FOLR3: variants seen among roughly 807,000 people sequenced by gnomAD.
FOLR3 encodes the protein folate receptor gamma.
A neutral mutation model predicts 20.0 loss-of-function variants in FOLR3; 9 were observed. That is an observed-to-expected ratio of 0.45 (90% CI 0.27 to 0.79). The LOEUF is 0.79. Ranked by LOEUF, FOLR3 falls within the 30% of genes least tolerant of loss-of-function variation. The pLI, the probability that FOLR3 is intolerant of heterozygous loss-of-function variation, is 0.15. For synonymous variants in FOLR3, 124 were observed against 115.5 expected (o/e 1.07, Z -0.47); for missense variants, 309 against 323.5 (o/e 0.96, Z 0.34).
chr11:72,137,269 C>A (rs1052521164), intron 2 of FOLR3, among the ~76,000 whole-genome samples: 1 of 152,056 alleles, frequency 6.6e-6, no homozygotes, highest in Non-Finnish European at 1.5e-5. Context: ...TCTTACCTGC[C>A]TTGTATTTAC....
chr11:72,138,970 T>C lies in FOLR3; in HGVS notation c.178T>C (p.Trp60Arg), dbSNP rs771706070. The stretch of plus-strand genomic sequence containing the variant: ...TGTCTTCCCCACCCAGTGCAGTCCC[T>C]GGAAGAAGAATGCCTGCTGCACGGC... ...EDELYGQCSP[W>R]KKNACCTAST... is the part of the protein sequence containing the mutation. Residue 60 changes from tryptophan (W) to arginine (R), a missense_variant, in exon 3 of 5, where the codon TGG becomes CGG. Coordinates refer to ENST00000611028, the MANE Select transcript of FOLR3 (RefSeq NM_000804.4). 6.2e-6 allele frequency: 10 copies of C among 1,613,910 alleles called. No homozygotes were observed. The African/African-American group carries it at 1.2e-4, about 19-fold the overall frequency.
chr11:72,138,998 G>A lies in FOLR3; in HGVS notation c.206G>A (p.Ser69Asn), dbSNP rs1355127160. The A allele has an allele frequency of 6.8e-6, 11 of 1,613,862 alleles. No homozygotes were observed. The East Asian group carries it at 1.6e-4, about 23-fold the overall frequency. The part of the protein sequence containing the change: ...PWKKNACCTA[S>N]TSQELHKDTS... Reference sequence around the variant, plus strand: ...AAGAAGAATGCCTGCTGCACGGCCAGCACCAGCCAGGAGCTGCACAAGGAC... The same window carrying A: ...AAGAAGAATGCCTGCTGCACGGCCAACACCAGCCAGGAGCTGCACAAGGAC... Residue 69 changes from serine (S) to asparagine (N), a missense_variant, in exon 3 of 5, where the codon AGC becomes AAC. Physicochemically the swap from Ser to Asn is conservative, Grantham distance 46 (BLOSUM62 1). Coordinates refer to ENST00000611028, the MANE Select transcript of FOLR3 (RefSeq NM_000804.4).
At chr11:72,139,217 G>A (rs1947784118) in intron 3 of FOLR3, 68 bp downstream of exon 3, 6 of 1,566,442 alleles carry the variant, frequency 3.8e-6, no homozygotes, top group South Asian at 1.2e-5. Flanking sequence ...CTGGCAGGGA[G>A]GGCTTGGTCC....
Position 72,139,482 on chromosome 11 carries a change from G to T in FOLR3, c.493G>T (p.Gly165Trp), listed in dbSNP as rs1461247999. ...GCACAAAGGCTGGAATTGGACCTCAGGTGAGGACCTGAGGAGATAAGATGA... is the reference window on the plus strand; with the variant it reads ...GCACAAAGGCTGGAATTGGACCTCATGTGAGGACCTGAGGAGATAAGATGA... Reference protein sequence around the residue: ...NWHKGWNWTSGINECPAGALC... With the variant: ...NWHKGWNWTSWINECPAGALC... Residue 165 changes from glycine to tryptophan, a missense_variant and splice_region_variant, in exon 4 of 5, where the codon GGG (glycine) becomes TGG (tryptophan). Physicochemically the swap from Gly to Trp is radical, Grantham distance 184. Coordinates refer to ENST00000611028, the MANE Select transcript of FOLR3 (RefSeq NM_000804.4). 6.2e-7 allele frequency: 1 copy of T among 1,613,940 alleles called. No homozygotes were observed. Among genetic ancestry groups the T allele is most frequent in the East Asian group, 2.2e-5 (1 of 44,872 alleles).
intron 2 of FOLR3, 89 bp from the exon 3 acceptor site, chr11:72,138,872 C>T (rs767151616): frequency 6.6e-6 from 10 of 1,526,334 alleles, no homozygotes; most frequent in Non-Finnish European, 8.9e-6. Context: ...AAGTGTTCCT[C>T]TGGATGACCT....
intron 4 of FOLR3, 33 bp downstream of exon 4, chr11:72,139,515 G>A: frequency 1.2e-6 from 2 of 1,613,294 alleles, no homozygotes; most frequent in Non-Finnish European, 1.7e-6. Flanking sequence ...TGAGGAGTGG[G>A]AGTGGGGCTT....
chr11:72,139,038 C>T lies in FOLR3; in HGVS notation c.246C>T (p.Tyr82=), dbSNP rs1947779886. Residue 82 remains tyrosine (Y), a synonymous_variant, in exon 3 of 5, where the codon TAC becomes TAT. Transcript: ENST00000611028. ...QELHKDTSRL[Y]NFNWDHCGKM... Reference sequence around the variant, plus strand: ...TGCACAAGGACACCTCCCGCCTGTACAACTTTAACTGGGATCACTGTGGTA... The same window carrying T: ...TGCACAAGGACACCTCCCGCCTGTATAACTTTAACTGGGATCACTGTGGTA... 1.2e-6 allele frequency: 2 copies of T among 1,613,920 alleles called. No homozygotes were observed. Among genetic ancestry groups the T allele is most frequent in the Non-Finnish European group, 1.7e-6 (2 of 1,179,898 alleles).
At chr11:72,137,921 C>T (rs1470798349) in intron 2 of FOLR3, among the ~76,000 whole-genome samples, 1 of 152,060 alleles carries the variant, frequency 6.6e-6, no homozygotes, top group Non-Finnish European at 1.5e-5. Flanking sequence ...ACACAGCCCA[C>T]CCACCCACTA....
intron 2 of FOLR3, among the ~76,000 whole-genome samples, chr11:72,137,736 C>T (rs113059621): frequency 2.0e-5 from 3 of 152,026 alleles, no homozygotes; most frequent in Admixed American, 6.6e-5. Context: ...TCAGGTGATC[C>T]GCCCGCCTCC....
chr11:72,139,173 A>T (rs775424591), intron 3 of FOLR3, 24 bp downstream of exon 3: 101 of 1,602,686 alleles, frequency 6.3e-5, no homozygotes, highest in Non-Finnish European at 8.4e-5. Context: ...TCCCACAAAC[A>T]TTAACCTCAG....
chr11:72,136,527 A>T (rs1947744859), intron 2 of FOLR3, among the ~76,000 whole-genome samples: 1 of 152,128 alleles, frequency 6.6e-6, no homozygotes, highest in African/African-American at 2.4e-5. Flanking sequence ...GGTTAAAAAA[A>T]AAAAACAAAT....
intron 2 of FOLR3, among the ~76,000 whole-genome samples, chr11:72,137,107 G>A (rs1947751355): frequency 6.6e-6 from 1 of 152,140 alleles, no homozygotes; most frequent in African/African-American, 2.4e-5. Context: ...GTTTCTCCTG[G>A]GTGCTCAGGC....
intron 1 of FOLR3, 65 bp downstream of exon 1, chr11:72,135,833 G>A: frequency 8.9e-7 from 1 of 1,123,176 alleles, no homozygotes; most frequent in Non-Finnish European, 1.3e-6. Context: ...GCCCTGTAGG[G>A]GATGCAGGGT....
Position 72,139,798 on chromosome 11 carries a change from T to G in FOLR3, c.705T>G (p.Ala235=). 1 of 1,614,014 alleles carries G rather than the reference T, an allele frequency of 6.2e-7. No individual in the cohort carries two copies. The highest frequency in any genetic ancestry group is 8.5e-7 in the Non-Finnish European group (1 of 1,179,864). ...VAKFYAAAMN[A]GAPSRGIIDS ...AGTTCTATGCTGCGGCCATGAATGC[T>G]GGGGCCCCGTCTCGTGGGATTATTG... The change falls in exon 5 of 5, where the codon GCT becomes GCG. Residue 235 remains alanine (A), a synonymous_variant. Transcript: ENST00000611028.
intron 2 of FOLR3, among the ~76,000 whole-genome samples, chr11:72,137,029 G>C (rs1012202454): frequency 6.6e-6 from 1 of 152,202 alleles, no homozygotes; most frequent in Non-Finnish European, 1.5e-5. Flanking sequence ...TGTGTCAGCC[G>C]GCACTGGGCG....
Position 72,139,125 on chromosome 11 carries a change from C to G in FOLR3, c.333C>G (p.Pro111=). 6.2e-7 allele frequency: 1 copy of G among 1,613,618 alleles called. No individual in the cohort carries two copies. Among genetic ancestry groups the G allele is most frequent in the Non-Finnish European group, 8.5e-7 (1 of 1,179,650 alleles). The change falls in exon 3 of 5, where the codon CCC becomes CCG. Residue 111 remains proline (P), a synonymous_variant. Coordinates refer to ENST00000611028, the MANE Select transcript of FOLR3 (RefSeq NM_000804.4). ...IQDSCLYECS[P]NLGPWIRQVN... ...ACAGCTGTCTCTATGAGTGCTCACC[C>G]AACCTGGGGCCCTGGATCCGGCAGG...
rs562001557 is a variant in FOLR3 at position 72,138,668 on chromosome 11, A to C, written c.169-293A>C. ...TGTGCCTGAATTCCAGCTCCTCGGG[A>C]GGCTGAGGTGGGAGGATTATTTGAG... On this transcript the variant is annotated intron_variant, in intron 2 of 4. Coordinates refer to ENST00000611028, the MANE Select transcript of FOLR3 (RefSeq NM_000804.4). 2.6e-5 allele frequency among the ~76,000 whole-genome samples: 4 copies of C among 152,294 alleles called. No individual in the cohort carries two copies. In the South Asian group the frequency reaches 6.2e-4, roughly 24 times the overall value.
At position 72,138,099 on chromosome 11, in the gene FOLR3, A is replaced by G. The variant is rs1252267318; in HGVS notation, c.169-862A>G. ...AACATGAAATAGGCCGAACGCGGTG[A>G]CTCACGCCTGTAATCCCAACACTTT... On this transcript the variant is annotated intron_variant, in intron 2 of 4. Transcript: ENST00000611028. Among the ~76,000 whole-genome samples, 3 of 152,114 alleles carry G rather than the reference A, an allele frequency of 2.0e-5. No individual in the cohort carries two copies. In the South Asian group the frequency reaches 6.2e-4, roughly 32 times the overall value.
chr11:72,139,127 A>G lies in FOLR3; in HGVS notation c.335A>G (p.Asn112Ser). 1 of 1,613,510 alleles carries G rather than the reference A, an allele frequency of 6.2e-7. No individual in the cohort carries two copies. Among genetic ancestry groups the G allele is most frequent in the Admixed American group, 1.7e-5 (1 of 60,008 alleles). Reference sequence around the variant, plus strand: ...AGCTGTCTCTATGAGTGCTCACCCAACCTGGGGCCCTGGATCCGGCAGGTA... The same window carrying G: ...AGCTGTCTCTATGAGTGCTCACCCAGCCTGGGGCCCTGGATCCGGCAGGTA... Reference protein sequence around the residue: ...QDSCLYECSPNLGPWIRQVNQ... With the variant: ...QDSCLYECSPSLGPWIRQVNQ... Residue 112 changes from asparagine to serine, a missense_variant, in exon 3 of 5, where the codon AAC (asparagine) becomes AGC (serine). Asn to Ser is a conservative substitution (Grantham distance 46, BLOSUM62 1). Transcript: ENST00000611028.
Sources: gnomAD v4.1 joint callset for allele counts (sites outside exome capture counted in the v4.1 genomes callset) on GRCh38, gnomAD v4.1.1 for gene constraint, MANE v1.5 for transcripts, NCBI Gene and HGNC (gene_info 2026-07-23, HGNC 2026-07-21) for gene names.